The following ATP6V1B2 variants were observed in gnomAD, a reference collection of about 807,000 sequenced individuals.
The protein encoded by ATP6V1B2 is V-type proton ATPase subunit B, brain isoform.
Under a neutral mutation model 66.7 loss-of-function variants are expected in ATP6V1B2, and 23 were observed. The ratio of observed to expected loss-of-function variants is 0.34; its 90% CI spans 0.25 to 0.49. ATP6V1B2 has a LOEUF of 0.49. Ranked by LOEUF, ATP6V1B2 falls within the 20% of genes least tolerant of loss-of-function variation. The pLI is 0.99. For missense variants in ATP6V1B2, 478 were observed against 650.8 expected, an observed-to-expected ratio of 0.73 and a Z score of 2.89; for synonymous variants, 278 against 236.7, an observed-to-expected ratio of 1.17 and a Z score of -1.60.
At chr8:20,211,487 C>G in intron 6 of ATP6V1B2, 165 bp from the exon 7 acceptor site, 2 of 1,263,284 alleles carry the variant, frequency 1.6e-6, no homozygotes, top group South Asian at 1.5e-5. Context: ...CTTGCTTACC[C>G]TTGCATATCT....
At chr8:20,200,859 C>T (rs1006098563) in intron 1 of ATP6V1B2, among the ~76,000 whole-genome samples, 1 of 152,200 alleles carries the variant, frequency 6.6e-6, no homozygotes, top group African/African-American at 2.4e-5. Context: ...CTCTACTCTT[C>T]TTGTACAAGG....
chr8:20,202,178 C>T (rs569484105), intron 1 of ATP6V1B2, among the ~76,000 whole-genome samples: 5 of 152,102 alleles, frequency 3.3e-5, no homozygotes, highest in Admixed American at 2.0e-4. Context: ...TGGGTGGTAT[C>T]GCTTCATAAT....
intron 2 of ATP6V1B2, among the ~76,000 whole-genome samples, chr8:20,206,229 A>G (rs377276428): frequency 4.6e-5 from 7 of 152,170 alleles, no homozygotes; most frequent in Admixed American, 6.5e-5. Context: ...GTTTTTTCCT[A>G]TAACAATTCA....
intron 1 of ATP6V1B2, 94 bp downstream of exon 1, chr8:20,197,636 A>C: frequency 7.9e-7 from 1 of 1,272,582 alleles, no homozygotes; most frequent in African/African-American, 1.5e-5. Context: ...AGGGGGTAGG[A>C]TTTGTTTTTC....
chr8:20,199,612 T>G (rs1394750192), intron 1 of ATP6V1B2, among the ~76,000 whole-genome samples: 2 of 143,094 alleles, frequency 1.4e-5, no homozygotes, highest in South Asian at 2.3e-4. Flanking sequence ...GGGTTTTTTT[T>G]TTTTTTTTTT....
intron 1 of ATP6V1B2, 99 bp from the exon 2 acceptor site, chr8:20,204,385 A>G: frequency 9.8e-7 from 1 of 1,023,236 alleles, no homozygotes; most frequent in South Asian, 1.4e-5. Context: ...GTATTCTAAT[A>G]GACATGATAA....
chr8:20,209,496 G>T lies in ATP6V1B2; in HGVS notation c.256G>T (p.Val86Phe). Residue 86 changes from valine to phenylalanine, a missense_variant, in exon 3 of 14, where the codon GTT becomes TTT. Physicochemically the swap from Val to Phe is conservative, Grantham distance 50. Around this residue, in one of 2 missense-constraint regions of ATP6V1B2, gnomAD observed 326 missense variants for 545.6 expected, o/e 0.60. Transcript: ENST00000276390. Reference sequence around the variant, plus strand: ...GGATGGCACAAAGAGAAGTGGGCAAGTTCTGGAAGTTAGTGGTTCCAAGGC... The same window carrying T: ...GGATGGCACAAAGAGAAGTGGGCAATTTCTGGAAGTTAGTGGTTCCAAGGC... The part of the protein sequence containing the change: ...LPDGTKRSGQ[V>F]LEVSGSKAVV... The T allele has an allele frequency of 6.2e-7, 1 of 1,614,044 alleles. No homozygotes were observed.
At chr8:20,212,629 T>C (rs573678582) in intron 8 of ATP6V1B2, among the ~76,000 whole-genome samples, 153 bp from the exon 9 acceptor site, 66 of 152,216 alleles carry the variant, frequency 4.3e-4, no homozygotes, top group Non-Finnish European at 8.4e-4. Flanking sequence ...ATACCTTACT[T>C]AAGAATTTGT....
intron 2 of ATP6V1B2, among the ~76,000 whole-genome samples, chr8:20,208,322 A>C (rs2072758377): frequency 6.6e-6 from 1 of 152,214 alleles, no homozygotes; most frequent in Non-Finnish European, 1.5e-5. Context: ...TAGTTATCTG[A>C]TTTAACTATA....
intron 2 of ATP6V1B2, among the ~76,000 whole-genome samples, chr8:20,207,355 T>A (rs772902263): frequency 6.6e-6 from 1 of 152,160 alleles, no homozygotes; most frequent in Non-Finnish European, 1.5e-5. Flanking sequence ...AGAATATTGT[T>A]AGGGCAATTG....
chr8:20,214,767 A>G (rs763922934), intron 9 of ATP6V1B2, 51 bp from the exon 10 acceptor site: 1 of 1,512,840 alleles, frequency 6.6e-7, no homozygotes. Flanking sequence ...TGTTGTAAGC[A>G]AGCTTGTTGT....
chr8:20,212,297 C>T (rs767488300), intron 8 of ATP6V1B2, 98 bp downstream of exon 8: 1 of 1,125,852 alleles, frequency 8.9e-7, no homozygotes, highest in Non-Finnish European at 1.3e-6. Context: ...AGCATTTGGA[C>T]CTAACAATGA....
chr8:20,218,512 C>T (rs1460426135), intron 13 of ATP6V1B2, among the ~76,000 whole-genome samples: 3 of 152,062 alleles, frequency 2.0e-5, no homozygotes, highest in Admixed American at 6.6e-5. Context: ...CACTGTTTTC[C>T]TTCTTCCATC....
rs1470609990 is a variant in ATP6V1B2, at chr8:20,221,455, G to A, written c.*1053G>A. On this transcript the variant is annotated 3_prime_UTR_variant, in exon 14 of 14. Coordinates refer to ENST00000276390, the MANE Select transcript of ATP6V1B2 (RefSeq NM_001693.4). Reference sequence around the variant, plus strand: ...GAATTCCTGCGCCTTCCTGACGTGAGCCCTGAGCGATCTTCTATGCAGTTC... The same window carrying A: ...GAATTCCTGCGCCTTCCTGACGTGAACCCTGAGCGATCTTCTATGCAGTTC... 6.6e-6 allele frequency: 1 copy of A among 152,582 alleles called. No individual in the cohort carries two copies. The highest frequency in any genetic ancestry group is 1.9e-4 in the East Asian group (1 of 5,188). 9.5% of individuals were successfully genotyped at this position (152,582 alleles called of 1,614,324 possible). A position where few individuals can be genotyped will look rare whatever the true frequency, so the allele number is the denominator to read the frequency against.
In ATP6V1B2 at chr8:20,211,786, A is replaced by G. The variant is rs773316883; in HGVS notation, c.705+33A>G. On this transcript the variant is annotated intron_variant, in intron 7 of 13. Transcript: ENST00000276390. ...GAATTTTTGTTTTAGTATGATATGT[A>G]AAATTTTGCTTGTGTCGTGAGAACA... 1.4e-5 allele frequency: 22 copies of G among 1,531,218 alleles called. No individual in the cohort carries two copies. The South Asian group carries it at 2.3e-4, about 16-fold the overall frequency. 94.9% of individuals were successfully genotyped at this position (1,531,218 alleles called of 1,614,324 possible).
intron 9 of ATP6V1B2, chr8:20,213,196 C>G: frequency 8.7e-6 from 3 of 344,584 alleles, no homozygotes; most frequent in South Asian, 5.3e-5. Flanking sequence ...TTCAGTTACT[C>G]TCTCGGGAAG....
intron 2 of ATP6V1B2, among the ~76,000 whole-genome samples, chr8:20,205,542 A>T (rs1163927066): frequency 6.6e-6 from 1 of 152,186 alleles, no homozygotes; most frequent in Non-Finnish European, 1.5e-5. Context: ...ATTGAATGTT[A>T]CATTGGGTTG....
In ATP6V1B2 at chr8:20,214,940, A is replaced by T; in HGVS notation, c.1050A>T (p.Gln350His). The change falls in exon 10 of 14, where the codon CAA becomes CAT. Residue 350 changes from glutamine (Q) to histidine (H), a missense_variant. Physicochemically the swap from Gln to His is conservative, Grantham distance 24. Coordinates refer to ENST00000276390, the MANE Select transcript of ATP6V1B2 (RefSeq NM_001693.4). The part of the protein sequence containing the change: ...RVEGRNGSIT[Q>H]IPILTMPNDD... ...AAGGGAGAAACGGCTCGATTACTCA[A>T]ATCCCTATTCTAACCATGCCTAATG... 1 of 1,613,530 alleles carries T rather than the reference A, an allele frequency of 6.2e-7. No individual in the cohort carries two copies. Among genetic ancestry groups the T allele is most frequent in the Non-Finnish European group, 8.5e-7 (1 of 1,179,652 alleles).
intron 13 of ATP6V1B2, among the ~76,000 whole-genome samples, chr8:20,219,710 G>A (rs2072889391): frequency 6.6e-6 from 1 of 152,050 alleles, no homozygotes; most frequent in African/African-American, 2.4e-5. Flanking sequence ...TCCAGCCTTG[G>A]ACTCAAAGAA....
Sources: gnomAD v4.1 joint callset for allele counts (sites outside exome capture counted in the v4.1 genomes callset) on GRCh38, gnomAD v4.1.1 for gene constraint, gnomAD v4.1.1 regional missense constraint, MANE v1.5 for transcripts, NCBI Gene and HGNC (gene_info 2026-07-23, HGNC 2026-07-21) for gene names.